The following PDLIM5 variants were observed in gnomAD, a reference collection of about 807,000 sequenced individuals.
PDLIM5 encodes the protein PDZ and LIM domain protein 5.
A neutral mutation model predicts 64.2 loss-of-function variants in PDLIM5; 34 were observed. That is an observed-to-expected ratio of 0.53 (90% CI 0.40 to 0.71). PDLIM5 has a LOEUF of 0.71. Ranked by LOEUF, PDLIM5 falls within the 30% of genes least tolerant of loss-of-function variation. PDLIM5 has a pLI of 0.00. For synonymous variants in PDLIM5, 253 were observed against 269.1 expected (o/e 0.94, Z 0.59); for missense variants, 683 against 733.6 (o/e 0.93, Z 0.80).
At chr4:94,576,997 T>G (rs549862864) in intron 5 of PDLIM5, among the ~76,000 whole-genome samples, 288 of 152,276 alleles carry the variant, frequency 1.9e-3, no homozygotes, top group African/African-American at 6.4e-3. Flanking sequence ...TAAAAATAAT[T>G]CTTTTCTATA....
intron 5 of PDLIM5, chr4:94,582,476 A>C (rs1253913745): frequency 2.3e-6 from 1 of 439,358 alleles, no homozygotes; most frequent in Non-Finnish European, 4.0e-6. Flanking sequence ...TGTCTTGATT[A>C]TAACAGTGTA....
At chr4:94,464,040 GAGTA>G (rs1220169323) in intron 2 of PDLIM5, among the ~76,000 whole-genome samples, 1 of 152,128 alleles carries the variant, frequency 6.6e-6, no homozygotes, top group Non-Finnish European at 1.5e-5. Context: ...GTAACAAAAA[GAGTA>G]AGGATGCCAG....
At chr4:94,594,245 A>G (rs1736887816) in intron 7 of PDLIM5, among the ~76,000 whole-genome samples, 1 of 152,092 alleles carries the variant, frequency 6.6e-6, no homozygotes, top group African/African-American at 2.4e-5. Flanking sequence ...TTAGTGAAAG[A>G]CTTTTTTTCA....
intron 9 of PDLIM5, among the ~76,000 whole-genome samples, chr4:94,650,606 G>A (rs376955932): frequency 6.6e-5 from 10 of 152,130 alleles, no homozygotes; most frequent in South Asian, 4.2e-4. Flanking sequence ...TCATCTACAC[G>A]TATATGAAAA....
chr4:94,622,633 C>A (rs1739327408), intron 8 of PDLIM5, among the ~76,000 whole-genome samples: 1 of 151,150 alleles, frequency 6.6e-6, no homozygotes, highest in East Asian at 1.9e-4. Flanking sequence ...TCTCTCCCTC[C>A]CTCCTTCCCT....
chr4:94,608,389 T>G (rs927607344), intron 7 of PDLIM5, among the ~76,000 whole-genome samples: 1 of 152,220 alleles, frequency 6.6e-6, no homozygotes, highest in Non-Finnish European at 1.5e-5. Flanking sequence ...TAATATAGAA[T>G]CAAGAAATCT....
At chr4:94,652,441 G>A (rs902688015) in intron 9 of PDLIM5, among the ~76,000 whole-genome samples, 1 of 152,154 alleles carries the variant, frequency 6.6e-6, no homozygotes, top group South Asian at 2.1e-4. Flanking sequence ...CCCACCTGGC[G>A]GAAAAACACA....
chr4:94,649,838 T>C (rs930239231), intron 9 of PDLIM5, among the ~76,000 whole-genome samples: 1 of 152,224 alleles, frequency 6.6e-6, no homozygotes, highest in Non-Finnish European at 1.5e-5. Flanking sequence ...TTTTAAAAAA[T>C]TGTCAATTAA....
intron 7 of PDLIM5, among the ~76,000 whole-genome samples, chr4:94,591,724 T>C (rs1183256816): frequency 1.3e-5 from 2 of 152,228 alleles, no homozygotes; most frequent in African/African-American, 4.8e-5. Context: ...TAAGTTTTGT[T>C]TGCAACTCCA....
intron 7 of PDLIM5, among the ~76,000 whole-genome samples, chr4:94,603,673 GTGTA>G (rs1560734169): frequency 1.3e-5 from 2 of 152,144 alleles, no homozygotes; most frequent in African/African-American, 4.8e-5. Flanking sequence ...GCTCTTTGCC[GTGTA>G]TGTGTGTGCG....
intron 7 of PDLIM5, among the ~76,000 whole-genome samples, chr4:94,595,726 T>C (rs1287501021): frequency 3.3e-5 from 5 of 152,212 alleles, no homozygotes. Context: ...ACAAACATAC[T>C]GGTGTCTTGT....
intron 2 of PDLIM5, among the ~76,000 whole-genome samples, chr4:94,482,177 T>A (rs1435458782): frequency 3.3e-5 from 5 of 151,440 alleles, no homozygotes. Context: ...TATTTATTTA[T>A]TTTTTTTAAA....
chr4:94,552,839 C>T (rs1297471264), intron 3 of PDLIM5, among the ~76,000 whole-genome samples: 1 of 151,964 alleles, frequency 6.6e-6, no homozygotes, highest in East Asian at 1.9e-4. Context: ...AAAAAATGCA[C>T]ATCAGGGTAA....
At chr4:94,465,412 T>G (rs1383760254) in intron 2 of PDLIM5, among the ~76,000 whole-genome samples, 1 of 152,166 alleles carries the variant, frequency 6.6e-6, no homozygotes, top group Non-Finnish European at 1.5e-5. Context: ...TTTAGTTTTA[T>G]TTTTTTGAGA....
intron 2 of PDLIM5, among the ~76,000 whole-genome samples, chr4:94,475,389 A>G (rs1208287161): frequency 1.3e-5 from 2 of 152,220 alleles, no homozygotes; most frequent in Non-Finnish European, 2.9e-5. Context: ...TTGATTTAGC[A>G]GGCTCTTTAA....
Position 94,662,441 on chromosome 4 carries a change from T to C in PDLIM5, c.1605T>C (p.Gly535=). The C allele has an allele frequency of 1.9e-6, 3 of 1,556,724 alleles. No individual in the cohort carries two copies. In the South Asian group the frequency reaches 3.3e-5, roughly 17 times the overall value. ...YCETDYYALF[G]TICHGCEFPI... The stretch of plus-strand genomic sequence containing the variant: ...ATACAGATTATTATGCCCTCTTTGG[T>C]ACTATATGCCATGGATGTGAATTTC... Residue 535 remains glycine (G), a synonymous_variant, in exon 12 of 13, where the codon GGT becomes GGC. Coordinates refer to ENST00000317968, the MANE Select transcript of PDLIM5 (RefSeq NM_006457.5).
At chr4:94,486,885 T>A (rs1343669940) in intron 2 of PDLIM5, among the ~76,000 whole-genome samples, 1 of 151,996 alleles carries the variant, frequency 6.6e-6, no homozygotes, top group Admixed American at 6.6e-5. Flanking sequence ...TGCCTGTAGT[T>A]CCAGCTGCTT....
At chr4:94,562,040 T>C (rs1733899926) in intron 3 of PDLIM5, among the ~76,000 whole-genome samples, 2 of 152,196 alleles carry the variant, frequency 1.3e-5, no homozygotes, top group Non-Finnish European at 2.9e-5. Flanking sequence ...TTTTATGTCT[T>C]TGAGGATATC....
At chr4:94,649,375 A>G (rs994150992) in intron 9 of PDLIM5, among the ~76,000 whole-genome samples, 1 of 152,160 alleles carries the variant, frequency 6.6e-6, no homozygotes, top group Non-Finnish European at 1.5e-5. Context: ...ACCCACACTC[A>G]TGGAGAGGGT....
Sources: gnomAD v4.1 joint callset for allele counts (sites outside exome capture counted in the v4.1 genomes callset) on GRCh38, gnomAD v4.1.1 for gene constraint, MANE v1.5 for transcripts, NCBI Gene and HGNC (gene_info 2026-07-23, HGNC 2026-07-21) for gene names.